The following PARPBP variants were observed in gnomAD, a reference collection of about 807,000 sequenced individuals.
PARPBP encodes the protein PARP1 binding protein.
A neutral mutation model predicts 50.0 loss-of-function variants in PARPBP; 52 were observed. The ratio of observed to expected loss-of-function variants is 1.04; its 90% CI spans 0.83 to 1.31. The LOEUF is 1.31. Among genes scored for constraint, PARPBP ranks in the 50% most tolerant of loss-of-function variants. The probability of loss-of-function intolerance (pLI) is 0.00; values close to 1 mark genes in which losing one functional copy is unlikely to be tolerated. For missense variants in PARPBP, 697 were observed against 672.0 expected, an observed-to-expected ratio of 1.04 and a Z score of -0.41; for synonymous variants, 244 against 232.1, an observed-to-expected ratio of 1.05 and a Z score of -0.47.
intron 6 of PARPBP, among the ~76,000 whole-genome samples, chr12:102,173,562 T>C (rs1888962133): frequency 6.6e-6 from 1 of 152,114 alleles, no homozygotes; most frequent in African/African-American, 2.4e-5. Context: ...CAAAATGCAA[T>C]TGGATTTCTG....
chr12:102,120,497 T>G (rs1335338934), intron 1 of PARPBP: 3 of 456,382 alleles, frequency 6.6e-6, no homozygotes, highest in Non-Finnish European at 1.3e-5. Flanking sequence ...AGCTGGTAGG[T>G]CCTGAGGGTT....
intron 2 of PARPBP, among the ~76,000 whole-genome samples, chr12:102,133,502 G>A (rs1594453086): frequency 6.6e-6 from 1 of 152,154 alleles, no homozygotes; most frequent in East Asian, 1.9e-4. Flanking sequence ...ATCATCATGA[G>A]TGATCCTTTT....
chr12:102,154,370 G>T (rs1565877254), intron 4 of PARPBP, among the ~76,000 whole-genome samples: 1 of 152,106 alleles, frequency 6.6e-6, no homozygotes, highest in Non-Finnish European at 1.5e-5. Flanking sequence ...CATATATCAG[G>T]AGTTTGGATG....
At chr12:102,177,624 T>C (rs1435995957) in intron 7 of PARPBP, among the ~76,000 whole-genome samples, 3 of 152,204 alleles carry the variant, frequency 2.0e-5, no homozygotes, top group Non-Finnish European at 2.9e-5. Flanking sequence ...TGTTCTATTA[T>C]AGTCTTTAAT....
chr12:102,196,734 G>C lies in PARPBP; in HGVS notation c.*443G>C, dbSNP rs1252139879. ...AAGAAGAAAGTTTAAATTGTTTAAA[G>C]GACTATAATTATCACACAAAATTTA... On this transcript the variant is annotated 3_prime_UTR_variant, in exon 11 of 11. Coordinates refer to ENST00000327680, the MANE Select transcript of PARPBP (RefSeq NM_017915.5). 14 of 1,523,058 alleles carry C rather than the reference G, an allele frequency of 9.2e-6. No individual in the cohort carries two copies. Among genetic ancestry groups the C allele is most frequent in the Non-Finnish European group, 1.3e-5 (14 of 1,099,972 alleles). 94.3% of individuals were successfully genotyped at this position (1,523,058 alleles called of 1,614,324 possible).
At chr12:102,186,464 A>C (rs1890313582) in intron 9 of PARPBP, among the ~76,000 whole-genome samples, 1 of 151,874 alleles carries the variant, frequency 6.6e-6, no homozygotes, top group Admixed American at 6.6e-5. Context: ...ATTGCTATAA[A>C]ATTTCCTCTT....
chr12:102,191,725 A>T (rs1039058851), intron 9 of PARPBP, among the ~76,000 whole-genome samples: 1 of 152,184 alleles, frequency 6.6e-6, no homozygotes, highest in Non-Finnish European at 1.5e-5. Context: ...GTTCTTGGCA[A>T]GTGTGAAGTT....
At chr12:102,195,212 A>C in intron 9 of PARPBP, 100 bp from the exon 10 acceptor site, 2 of 679,226 alleles carry the variant, frequency 2.9e-6, no homozygotes. Flanking sequence ...TTCTAAGGGA[A>C]ATTTTTATAC....
intron 6 of PARPBP, among the ~76,000 whole-genome samples, chr12:102,173,622 T>C (rs1021048278): frequency 6.6e-6 from 1 of 151,908 alleles, no homozygotes; most frequent in African/African-American, 2.4e-5. Flanking sequence ...TTCAAAAATA[T>C]AAAATACATA....
rs553119763 is a variant in PARPBP at position 102,165,237 on chromosome 12, A to C, written c.667-492A>C. ...CATGATCCCAGGATGGGAAAGCTGG[A>C]TGTAACTTAGTGATTATCTAGTCTG... On this transcript the variant is annotated intron_variant, in intron 5 of 10. Transcript: ENST00000327680. Among the ~76,000 whole-genome samples the C allele has an allele frequency of 6.0e-4, 92 of 152,302 alleles. 3 individuals are homozygous for C. Among genetic ancestry groups the C allele is most frequent in the Admixed American group, 9.2e-4 (14 of 15,288 alleles).
At position 102,197,239 on chromosome 12, in the gene PARPBP, A is replaced by T; in HGVS notation, c.*948A>T. On this transcript the variant is annotated 3_prime_UTR_variant, in exon 11 of 11. Transcript: ENST00000327680. ...GAGTGGAACTATAATACAATTGTAT[A>T]ATATTCTTGTTGATCAATTCAAAGT... 10 of 1,213,780 alleles carry T rather than the reference A, an allele frequency of 8.2e-6. No individual in the cohort carries two copies. Among genetic ancestry groups the T allele is most frequent in the Non-Finnish European group, 1.2e-5 (10 of 844,542 alleles). The allele number at this position is 1,213,780 out of a possible 1,614,324, so 75.2% of individuals were successfully genotyped here. A position where few individuals can be genotyped will look rare whatever the true frequency, so the allele number is the denominator to read the frequency against.
chr12:102,131,488 G>A (rs1286563755), intron 2 of PARPBP, among the ~76,000 whole-genome samples: 1 of 151,988 alleles, frequency 6.6e-6, no homozygotes, highest in Non-Finnish European at 1.5e-5. Context: ...CCCATTATTG[G>A]GTATATATCC....
intron 6 of PARPBP, among the ~76,000 whole-genome samples, chr12:102,172,274 G>C (rs1888835417): frequency 6.6e-6 from 1 of 152,190 alleles, no homozygotes; most frequent in Admixed American, 6.5e-5. Context: ...CTTCTGGGAA[G>C]CACTCCTGAA....
chr12:102,142,115 A>T (rs1263260167), intron 2 of PARPBP, among the ~76,000 whole-genome samples: 1 of 152,208 alleles, frequency 6.6e-6, no homozygotes, highest in African/African-American at 2.4e-5. Flanking sequence ...CGTCACTTTC[A>T]GGTACACCAA....
chr12:102,182,785 G>A (rs1889957920), intron 9 of PARPBP, among the ~76,000 whole-genome samples, 158 bp downstream of exon 9: 1 of 152,154 alleles, frequency 6.6e-6, no homozygotes, highest in Admixed American at 6.5e-5. Flanking sequence ...GACGTACAGA[G>A]ACTTTCCTTT....
At chr12:102,169,294 T>C (rs1330585337) in intron 6 of PARPBP, among the ~76,000 whole-genome samples, 1 of 152,212 alleles carries the variant, frequency 6.6e-6, no homozygotes, top group Non-Finnish European at 1.5e-5. Context: ...CTACTACATA[T>C]ATGCAAATTC....
intron 6 of PARPBP, among the ~76,000 whole-genome samples, chr12:102,172,155 T>C (rs1333364997): frequency 1.3e-5 from 2 of 152,244 alleles, no homozygotes; most frequent in Admixed American, 6.5e-5. Context: ...CTTGTTTCTC[T>C]TTCTGCCCCA....
Position 102,124,032 on chromosome 12 carries a change from C to A in PARPBP, c.144C>A (p.Asn48Lys). ...LLALQLSMAE[N>K]NKQHSGEFTV... ...CATTGCAGCTTTCTATGGCGGAGAA[C>A]AACAAACAGGTTGGTAAACTATATT... The change falls in exon 2 of 11, where the codon AAC (asparagine) becomes AAA (lysine). Residue 48 changes from asparagine to lysine, a missense_variant. Transcript: ENST00000327680. 3.3e-6 allele frequency: 5 copies of A among 1,533,862 alleles called. No individual in the cohort carries two copies. The highest frequency in any genetic ancestry group is 4.4e-6 in the Non-Finnish European group (5 of 1,145,308).
intron 1 of PARPBP, among the ~76,000 whole-genome samples, chr12:102,121,763 C>T (rs895975108): frequency 6.6e-5 from 10 of 151,892 alleles, no homozygotes; most frequent in East Asian, 3.9e-4. Context: ...AGGTTGGTCT[C>T]GAACTCCTAA....
Sources: allele counts gnomAD v4.1 joint callset (sites outside exome capture counted in the v4.1 genomes callset), GRCh38; gene constraint gnomAD v4.1.1; transcripts MANE v1.5; gene names NCBI Gene and HGNC (gene_info 2026-07-23, HGNC 2026-07-21).